Variants in MAP10 observed in about 807,000 individuals in gnomAD.
MAP10 encodes the protein microtubule associated protein 10.
In MAP10, 10 loss-of-function variants were observed where a neutral mutation model predicts 6.3. The observed-to-expected ratio is 1.58, with a 90% confidence interval of 0.98 to 2.69. MAP10 has a LOEUF of 2.69. Among genes scored for constraint, MAP10 ranks in the 30% most tolerant of loss-of-function variants. The probability of loss-of-function intolerance (pLI) is 0.00; values close to 1 mark genes in which losing one functional copy is unlikely to be tolerated. For missense variants in MAP10, 1,189 were observed against 1,086.5 expected (o/e 1.09, Z -1.33); for synonymous variants, 459 against 429.3 (o/e 1.07, Z -0.86).
Position 232,805,964 on chromosome 1 carries a change from C to A in MAP10, c.515C>A (p.Thr172Asn). 6.2e-7 allele frequency: 1 copy of A among 1,613,314 alleles called. No individual in the cohort carries two copies. Among genetic ancestry groups the A allele is most frequent in the Non-Finnish European group, 8.5e-7 (1 of 1,179,816 alleles). The change falls in exon 1 of 1, where the codon ACT becomes AAT. Residue 172 changes from threonine (T) to asparagine (N), a missense_variant. By Grantham distance (65) the Thr-to-Asn change is moderately conservative. Coordinates refer to ENST00000418460, the MANE Select transcript of MAP10 (RefSeq NM_019090.3). ...FPLHNRVGER[T>N]GDIALAYRLT... ...CTGCATAATCGAGTGGGCGAGCGGA[C>A]TGGGGACATTGCACTGGCCTACCGC...
rs1558362554 is a variant in MAP10, at chr1:232,808,666, C to A, written c.*499C>A. On this transcript the variant is annotated 3_prime_UTR_variant, in exon 1 of 1. Coordinates refer to ENST00000418460, the MANE Select transcript of MAP10 (RefSeq NM_019090.3). ...TTGACATATACATATCCCATATCCCCAATAGGTGAAGTTGCTTTTATATGC... is the reference window on the plus strand; with the variant it reads ...TTGACATATACATATCCCATATCCCAAATAGGTGAAGTTGCTTTTATATGC... Among the ~76,000 whole-genome samples, 1 of 152,100 alleles carries A rather than the reference C, an allele frequency of 6.6e-6. No homozygotes were observed. The highest frequency in any genetic ancestry group is 1.5e-5 in the Non-Finnish European group (1 of 67,968).
In MAP10 at chr1:232,805,893, G is replaced by A; in HGVS notation, c.444G>A (p.Gly148=). The change falls in exon 1 of 1, where the codon GGG becomes GGA. Residue 148 remains glycine (G), a synonymous_variant. Transcript: ENST00000418460. ...SLATAAHRVV[G]PAASGCSHRH... is the part of the protein sequence containing the mutation. ...CCACCGCAGCGCACAGGGTCGTGGG[G>A]CCGGCCGCCTCCGGATGCTCCCACC... is the stretch of plus-strand genomic sequence containing the variant. The A allele has an allele frequency of 1.9e-6, 3 of 1,603,146 alleles. No homozygotes were observed. Among genetic ancestry groups the A allele is most frequent in the Non-Finnish European group, 2.6e-6 (3 of 1,175,380 alleles).
chr1:232,807,018 A>G lies in MAP10; in HGVS notation c.1569A>G (p.Leu523=). 5 of 1,613,220 alleles carry G rather than the reference A, an allele frequency of 3.1e-6. No homozygotes were observed. The highest frequency in any genetic ancestry group is 3.4e-6 in the Non-Finnish European group (4 of 1,179,620). Residue 523 remains leucine, a synonymous_variant, in exon 1 of 1, where the codon CTA becomes CTG. Coordinates refer to ENST00000418460, the MANE Select transcript of MAP10 (RefSeq NM_019090.3). ...DMLVVHEKRE[L]YRKRQSQMLG... ...TGGTGGTACATGAAAAAAGAGAACT[A>G]TATAGAAAAAGACAATCACAAATGT...
Position 232,805,801 on chromosome 1 carries a change from C to A in MAP10, c.352C>A (p.Leu118Met). 6.3e-7 allele frequency: 1 copy of A among 1,597,126 alleles called. No individual in the cohort carries two copies. ...LLRTPLATLL[L>M]QLPPGRPTPT... Reference sequence around the variant, plus strand: ...GCGGACCCCGCTTGCCACCTTGCTGCTGCAGCTGCCCCCTGGGCGCCCGAC... The same window carrying A: ...GCGGACCCCGCTTGCCACCTTGCTGATGCAGCTGCCCCCTGGGCGCCCGAC... The change falls in exon 1 of 1, where the codon CTG becomes ATG. Residue 118 changes from leucine (L) to methionine (M), a missense_variant. Leu to Met is a conservative substitution (Grantham distance 15, BLOSUM62 2). Transcript: ENST00000418460.
Position 232,805,793 on chromosome 1 carries a change from C to T in MAP10, c.344C>T (p.Thr115Ile), listed in dbSNP as rs780740193. 14 of 1,598,792 alleles carry T rather than the reference C, an allele frequency of 8.8e-6. No homozygotes were observed. Among genetic ancestry groups the T allele is most frequent in the Admixed American group, 5.1e-5 (3 of 58,982 alleles). Residue 115 changes from threonine to isoleucine, a missense_variant, in exon 1 of 1, where the codon ACC becomes ATC. Transcript: ENST00000418460. ...CGGCTCCTGCGGACCCCGCTTGCCACCTTGCTGCTGCAGCTGCCCCCTGGG... is the reference window on the plus strand; with the variant it reads ...CGGCTCCTGCGGACCCCGCTTGCCATCTTGCTGCTGCAGCTGCCCCCTGGG... ...HCRLLRTPLA[T>I]LLLQLPPGRP...
At position 232,805,730 on chromosome 1, in the gene MAP10, C is replaced by G. The variant is rs1666086068; in HGVS notation, c.281C>G (p.Ser94Cys). Residue 94 changes from serine (S) to cysteine (C), a missense_variant, in exon 1 of 1, where the codon TCC (serine) becomes TGC (cysteine). Coordinates refer to ENST00000418460, the MANE Select transcript of MAP10 (RefSeq NM_019090.3). ...GTCATCCGCTTCGGTCGCGGCAAGT[C>G]CTGCCTCTTCCGCCTGCAGCCTGCT... Reference protein sequence around the residue: ...PGVIRFGRGKSCLFRLQPATL... With the variant: ...PGVIRFGRGKCCLFRLQPATL... 2 of 1,604,560 alleles carry G rather than the reference C, an allele frequency of 1.2e-6. No homozygotes were observed. The highest frequency in any genetic ancestry group is 1.7e-6 in the Non-Finnish European group (2 of 1,179,222).
At position 232,805,761 on chromosome 1, in the gene MAP10, G is replaced by A; in HGVS notation, c.312G>A (p.Leu104=). 2 of 1,602,374 alleles carry A rather than the reference G, an allele frequency of 1.2e-6. No homozygotes were observed. Among genetic ancestry groups the A allele is most frequent in the Non-Finnish European group, 1.7e-6 (2 of 1,176,436 alleles). Reference sequence around the variant, plus strand: ...TCTTCCGCCTGCAGCCTGCTACCCTGCACTGCCGGCTCCTGCGGACCCCGC... The same window carrying A: ...TCTTCCGCCTGCAGCCTGCTACCCTACACTGCCGGCTCCTGCGGACCCCGC... The part of the protein sequence containing the change: ...SCLFRLQPAT[L]HCRLLRTPLA... The change falls in exon 1 of 1, where the codon CTG becomes CTA. Residue 104 remains leucine (L), a synonymous_variant. Coordinates refer to ENST00000418460, the MANE Select transcript of MAP10 (RefSeq NM_019090.3).
chr1:232,808,628 T>C lies in MAP10; in HGVS notation c.*461T>C, dbSNP rs138066208. Among the ~76,000 whole-genome samples, 217 of 152,314 alleles carry C rather than the reference T, an allele frequency of 1.4e-3. No individual in the cohort carries two copies. The highest frequency in any genetic ancestry group is 4.8e-3 in the African/African-American group (198 of 41,596). On this transcript the variant is annotated 3_prime_UTR_variant, in exon 1 of 1. Transcript: ENST00000418460. ...TTAAAAGCTTACAGTTGTATGTAGATAAGAAGTCTTCCTTGACATATACAT... is the reference window on the plus strand; with the variant it reads ...TTAAAAGCTTACAGTTGTATGTAGACAAGAAGTCTTCCTTGACATATACAT...
Position 232,807,834 on chromosome 1 carries a change from T to A in MAP10, c.2385T>A (p.Ser795=). The part of the protein sequence containing the change: ...DKSLEEASSI[S]ASDLSSTHWT... ...GTTTGGAGGAAGCATCTAGTATCTC[T>A]GCTAGTGATTTATCTTCAACACATT... Residue 795 remains serine, a synonymous_variant, in exon 1 of 1, where the codon TCT becomes TCA. Coordinates refer to ENST00000418460, the MANE Select transcript of MAP10 (RefSeq NM_019090.3). 6.2e-7 allele frequency: 1 copy of A among 1,613,586 alleles called. No individual in the cohort carries two copies. Among genetic ancestry groups the A allele is most frequent in the Non-Finnish European group, 8.5e-7 (1 of 1,179,674 alleles).
chr1:232,807,485 C>T lies in MAP10; in HGVS notation c.2036C>T (p.Ala679Val), dbSNP rs997633902. Residue 679 changes from alanine (A) to valine (V), a missense_variant, in exon 1 of 1, where the codon GCT becomes GTT. By Grantham distance (64) the Ala-to-Val change is moderately conservative (BLOSUM62 0). Coordinates refer to ENST00000418460, the MANE Select transcript of MAP10 (RefSeq NM_019090.3). ...ACCACAGATAATGACATTCTTATGG[C>T]TGATATAAGTGACAAGAGAACAGGT... ...VKTTDNDILM[A>V]DISDKRTGKN... 3 of 1,613,454 alleles carry T rather than the reference C, an allele frequency of 1.9e-6. No homozygotes were observed. The highest frequency in any genetic ancestry group is 2.7e-5 in the African/African-American group (2 of 74,908).
rs749389162 is a variant in MAP10 at position 232,806,357 on chromosome 1, C to G, written c.908C>G (p.Pro303Arg). 6.2e-7 allele frequency: 1 copy of G among 1,613,904 alleles called. No individual in the cohort carries two copies. Among genetic ancestry groups the G allele is most frequent in the Admixed American group, 1.7e-5 (1 of 60,000 alleles). ...GAGACCAATATATTTTGCCCTCCTC[C>G]TTTGTATTACACTAACTTGACCCAA... ...DMETNIFCPP[P>R]LYYTNLTQEK... Residue 303 changes from proline (P) to arginine (R), a missense_variant, in exon 1 of 1, where the codon CCT (proline) becomes CGT (arginine). By Grantham distance (103) the Pro-to-Arg change is moderately radical (BLOSUM62 -2). Transcript: ENST00000418460.
chr1:232,807,002 A>G lies in MAP10; in HGVS notation c.1553A>G (p.His518Arg). Residue 518 changes from histidine to arginine, a missense_variant, in exon 1 of 1, where the codon CAT becomes CGT. Physicochemically the swap from His to Arg is conservative, Grantham distance 29 (BLOSUM62 0). Coordinates refer to ENST00000418460, the MANE Select transcript of MAP10 (RefSeq NM_019090.3). ...ACAAATCCTGATATGTTGGTGGTAC[A>G]TGAAAAAAGAGAACTATATAGAAAA... ...KLTNPDMLVV[H>R]EKRELYRKRQ... 1 of 1,613,134 alleles carries G rather than the reference A, an allele frequency of 6.2e-7. No individual in the cohort carries two copies. The highest frequency in any genetic ancestry group is 8.5e-7 in the Non-Finnish European group (1 of 1,179,598).
chr1:232,805,615 G>T lies in MAP10; in HGVS notation c.166G>T (p.Ala56Ser). Residue 56 changes from alanine (A) to serine (S), a missense_variant, in exon 1 of 1, where the codon GCC (alanine) becomes TCC (serine). Physicochemically the swap from Ala to Ser is moderately conservative, Grantham distance 99. Transcript: ENST00000418460. Reference sequence around the variant, plus strand: ...CTCGTCGCCGCGCGGTCTGTGCCCCGCCGTGGCCTTCCGCCTGCTGGACTT... The same window carrying T: ...CTCGTCGCCGCGCGGTCTGTGCCCCTCCGTGGCCTTCCGCCTGCTGGACTT... ...EASSPRGLCP[A>S]VAFRLLDFPT... 1 of 1,565,698 alleles carries T rather than the reference G, an allele frequency of 6.4e-7. No individual in the cohort carries two copies. Among genetic ancestry groups the T allele is most frequent in the Non-Finnish European group, 8.6e-7 (1 of 1,158,414 alleles).
In MAP10 at chr1:232,807,879, C is replaced by T; in HGVS notation, c.2430C>T (p.Asn810=). 3 of 1,613,444 alleles carry T rather than the reference C, an allele frequency of 1.9e-6. No homozygotes were observed. Among genetic ancestry groups the T allele is most frequent in the Non-Finnish European group, 2.5e-6 (3 of 1,179,688 alleles). The part of the protein sequence containing the change: ...SSTHWTEQKE[N]QIDQNSMHNS... The stretch of plus-strand genomic sequence containing the variant: ...CACATTGGACTGAACAAAAAGAAAA[C>T]CAGATAGATCAAAATAGTATGCACA... The change falls in exon 1 of 1, where the codon AAC becomes AAT. Residue 810 remains asparagine (N), a synonymous_variant. Coordinates refer to ENST00000418460, the MANE Select transcript of MAP10 (RefSeq NM_019090.3).
Position 232,807,217 on chromosome 1 carries a change from A to G in MAP10, c.1768A>G (p.Lys590Glu), listed in dbSNP as rs1313094552. 2.5e-6 allele frequency: 4 copies of G among 1,613,530 alleles called. No homozygotes were observed. The Admixed American group carries it at 5.0e-5, about 20-fold the overall frequency. Reference sequence around the variant, plus strand: ...AGTTTTTGATGAGCCCAGCACAAGTAAAGAAACTAAACTGAAATATGCAAC... The same window carrying G: ...AGTTTTTGATGAGCCCAGCACAAGTGAAGAAACTAAACTGAAATATGCAAC... Reference protein sequence around the residue: ...SGVFDEPSTSKETKLKYATEK... With the variant: ...SGVFDEPSTSEETKLKYATEK... The change falls in exon 1 of 1, where the codon AAA (lysine) becomes GAA (glutamate). Residue 590 changes from lysine to glutamate, a missense_variant. By Grantham distance (56) the Lys-to-Glu change is moderately conservative. Transcript: ENST00000418460.
rs1175438647 is a variant in MAP10, at chr1:232,807,183, A to T, written c.1734A>T (p.Gln578His). 3.7e-6 allele frequency: 6 copies of T among 1,613,512 alleles called. No homozygotes were observed. The Admixed American group carries it at 6.7e-5, about 18-fold the overall frequency. The change falls in exon 1 of 1, where the codon CAA becomes CAT. Residue 578 changes from glutamine to histidine, a missense_variant. Coordinates refer to ENST00000418460, the MANE Select transcript of MAP10 (RefSeq NM_019090.3). ...SFTENSDTSRQISGVFDEPST... is the reference protein window; with the variant it reads ...SFTENSDTSRHISGVFDEPST... ...CTGAAAATAGTGATACCTCAAGACA[A>T]ATCAGTGGAGTTTTTGATGAGCCCA...
rs1207189796 is a variant in MAP10 at position 232,805,736 on chromosome 1, T to C, written c.287T>C (p.Leu96Pro). The part of the protein sequence containing the change: ...VIRFGRGKSC[L>P]FRLQPATLHC... ...CGCTTCGGTCGCGGCAAGTCCTGCC[T>C]CTTCCGCCTGCAGCCTGCTACCCTG... is the stretch of plus-strand genomic sequence containing the variant. Residue 96 changes from leucine to proline, a missense_variant, in exon 1 of 1, where the codon CTC becomes CCC. Physicochemically the swap from Leu to Pro is moderately conservative, Grantham distance 98. Coordinates refer to ENST00000418460, the MANE Select transcript of MAP10 (RefSeq NM_019090.3). The C allele has an allele frequency of 3.7e-6, 6 of 1,604,740 alleles. No individual in the cohort carries two copies. The highest frequency in any genetic ancestry group is 1.3e-5 in the African/African-American group (1 of 74,884).
In MAP10 at chr1:232,806,187, G is replaced by A. The variant is rs190242642; in HGVS notation, c.738G>A (p.Leu246=). The A allele has an allele frequency of 6.8e-6, 11 of 1,614,030 alleles. No individual in the cohort carries two copies. The highest frequency in any genetic ancestry group is 3.3e-4 in the Middle Eastern group (2 of 6,062). ...AAATCCCAGAGGCACAGAAGGATTT[G>A]AAGGAAATGGTTAAAAGTAAGGCCG... ...ELEIPEAQKD[L]KEMVKSKAEC... is the part of the protein sequence containing the mutation. The change falls in exon 1 of 1, where the codon TTG becomes TTA. Residue 246 remains leucine (L), a synonymous_variant. Transcript: ENST00000418460.
rs1217672184 is a variant in MAP10 at position 232,808,885 on chromosome 1, C to T, written c.*718C>T. Reference sequence around the variant, plus strand: ...AAACATTTGTTGAAAAAAACGAAGCCCAGGCATTTAAAATACCTAATGGGA... The same window carrying T: ...AAACATTTGTTGAAAAAAACGAAGCTCAGGCATTTAAAATACCTAATGGGA... On this transcript the variant is annotated 3_prime_UTR_variant, in exon 1 of 1. Transcript: ENST00000418460. Among the ~76,000 whole-genome samples, 1 of 151,836 alleles carries T rather than the reference C, an allele frequency of 6.6e-6. No individual in the cohort carries two copies. The highest frequency in any genetic ancestry group is 1.5e-5 in the Non-Finnish European group (1 of 67,906).
Sources: allele counts gnomAD v4.1 joint callset (sites outside exome capture counted in the v4.1 genomes callset), GRCh38; gene constraint gnomAD v4.1.1; transcripts MANE v1.5; gene names NCBI Gene and HGNC (gene_info 2026-07-23, HGNC 2026-07-21).